The following CCSER1 variants were observed in gnomAD, a reference collection of about 807,000 sequenced individuals.
CCSER1 encodes the protein coiled-coil serine rich protein 1.
CCSER1 carries 41 observed loss-of-function variants against 82.0 expected under a neutral mutation model. The ratio of observed to expected loss-of-function variants is 0.50; its 90% CI spans 0.39 to 0.65. CCSER1 has a LOEUF of 0.65. Ranked by LOEUF, CCSER1 falls within the 30% of genes least tolerant of loss-of-function variation. The probability of loss-of-function intolerance (pLI) is 0.00; values close to 1 mark genes in which losing one functional copy is unlikely to be tolerated. For synonymous variants in CCSER1, 414 were observed against 383.9 expected, an observed-to-expected ratio of 1.08 and a Z score of -0.92; for missense variants, 1,119 against 1,064.2, an observed-to-expected ratio of 1.05 and a Z score of -0.72.
chr4:90,675,122 G>A (rs937438375), intron 6 of CCSER1, among the ~76,000 whole-genome samples: 17 of 151,916 alleles, frequency 1.1e-4, no homozygotes, highest in Non-Finnish European at 1.8e-4. Flanking sequence ...CGTCATTGAT[G>A]AATAGTGATT....
chr4:90,498,963 A>AT (rs960403630), intron 5 of CCSER1, among the ~76,000 whole-genome samples: 5 of 152,170 alleles, frequency 3.3e-5, no homozygotes, highest in Admixed American at 2.6e-4. Flanking sequence ...TCCACTTATA[A>AT]GTTTTAAAAA....
chr4:90,128,139 G>T lies in CCSER1; in HGVS notation c.-42+308G>T, dbSNP rs187619282. On this transcript the variant is annotated intron_variant, in intron 1 of 10. Transcript: ENST00000509176. Reference sequence around the variant, plus strand: ...GCGGCCGCGGCGGCCGCTCCAGGGCGATGCGGAGCGCTGGCCAAGGCGGCG... The same window carrying T: ...GCGGCCGCGGCGGCCGCTCCAGGGCTATGCGGAGCGCTGGCCAAGGCGGCG... Among the ~76,000 whole-genome samples the T allele has an allele frequency of 3.4e-3, 521 of 152,280 alleles. 3 individuals carry two copies. The highest frequency in any genetic ancestry group is 0.012 in the African/African-American group (494 of 41,588).
chr4:91,020,389 G>T (rs1220371852), intron 9 of CCSER1, among the ~76,000 whole-genome samples: 1 of 152,104 alleles, frequency 6.6e-6, no homozygotes, highest in Non-Finnish European at 1.5e-5. Flanking sequence ...TTGGCCGGGT[G>T]CGGTGGCTCA....
chr4:91,071,701 A>C (rs898121684), intron 9 of CCSER1, among the ~76,000 whole-genome samples: 3 of 152,174 alleles, frequency 2.0e-5, no homozygotes, highest in Admixed American at 1.3e-4. Flanking sequence ...CTTACTAGAT[A>C]GATTGATTCA....
chr4:90,964,731 C>CAAA lies in CCSER1; in HGVS notation c.2172+41303_2172+41305dup, dbSNP rs71596540. 9.0e-3 allele frequency among the ~76,000 whole-genome samples: 694 copies of CAAA among 76,736 alleles called. 21 individuals carry two copies. Among genetic ancestry groups the CAAA allele is most frequent in the African/African-American group, 0.03 (498 of 16,522 alleles). 50.3% of individuals were successfully genotyped at this position (76,736 alleles called of 152,430 possible). A position where few individuals can be genotyped will look rare whatever the true frequency, so the allele number is the denominator to read the frequency against. The stretch of plus-strand genomic sequence containing the variant: ...CAGAGCCAGAGCAAGACTCTGTCTC[C>CAAA]AAAAAAAAAAAAAAAAAAAAAGCAA... On this transcript the variant is annotated intron_variant, in intron 9 of 10. Transcript: ENST00000509176.
chr4:90,505,179 G>A (rs1770508130), intron 5 of CCSER1, among the ~76,000 whole-genome samples: 1 of 152,214 alleles, frequency 6.6e-6, no homozygotes, highest in Admixed American at 6.5e-5. Flanking sequence ...AAAATTGCCA[G>A]TTATTAGAAA....
At chr4:91,053,934 C>G (rs1314719182) in intron 9 of CCSER1, among the ~76,000 whole-genome samples, 2 of 152,176 alleles carry the variant, frequency 1.3e-5, no homozygotes, top group Non-Finnish European at 2.9e-5. Flanking sequence ...TTAAGCCAGT[C>G]CCCTATGGAG....
chr4:90,175,665 C>T (rs1462082317), intron 1 of CCSER1, among the ~76,000 whole-genome samples: 1 of 151,878 alleles, frequency 6.6e-6, no homozygotes, highest in Non-Finnish European at 1.5e-5. Context: ...CCTTTTATCC[C>T]AAATATTTTG....
intron 9 of CCSER1, among the ~76,000 whole-genome samples, chr4:90,937,504 A>ACACACACACACACAC (rs757870134): frequency 0.026 from 2,040 of 77,718 alleles, 45 homozygotes; most frequent in African/African-American, 0.078. Context: ...CACACACACA[A>ACACACACACACACAC]ACACACACAC....
chr4:90,394,096 CTTT>C (rs112880001), intron 3 of CCSER1, among the ~76,000 whole-genome samples: 6 of 133,722 alleles, frequency 4.5e-5, no homozygotes, highest in Admixed American at 1.5e-4. Flanking sequence ...TTACATCTTA[CTTT>C]TTTTTTTTTT....
intron 9 of CCSER1, among the ~76,000 whole-genome samples, chr4:91,082,842 A>G (rs1271902091): frequency 3.3e-5 from 5 of 152,230 alleles, no homozygotes; most frequent in Admixed American, 2.6e-4. Context: ...AGAGAAATGC[A>G]AATCAAAACC....
At chr4:91,030,455 C>T (rs554342783) in intron 9 of CCSER1, among the ~76,000 whole-genome samples, 148 of 152,152 alleles carry the variant, frequency 9.7e-4, no homozygotes, top group African/African-American at 3.3e-3. Flanking sequence ...CTACCTGTGG[C>T]TATTGGACAG....
chr4:90,177,933 T>G (rs1437324219), intron 1 of CCSER1, among the ~76,000 whole-genome samples: 1 of 152,016 alleles, frequency 6.6e-6, no homozygotes, highest in East Asian at 1.9e-4. Context: ...AATCCAAAAT[T>G]TTGAGTGCCC....
At chr4:90,396,362 C>T (rs1428687092) in intron 3 of CCSER1, among the ~76,000 whole-genome samples, 1 of 151,930 alleles carries the variant, frequency 6.6e-6, no homozygotes, top group Non-Finnish European at 1.5e-5. Flanking sequence ...TTTTCTATTC[C>T]TAGTACAGTA....
At chr4:90,955,512 A>G (rs1227332287) in intron 9 of CCSER1, among the ~76,000 whole-genome samples, 1 of 152,198 alleles carries the variant, frequency 6.6e-6, no homozygotes, top group Non-Finnish European at 1.5e-5. Flanking sequence ...ATGTTGTGCT[A>G]CAGATAGATA....
intron 10 of CCSER1, among the ~76,000 whole-genome samples, chr4:91,452,435 C>G (rs972185121): frequency 6.6e-6 from 1 of 151,972 alleles, no homozygotes; most frequent in South Asian, 2.1e-4. Context: ...ATTGGGTACA[C>G]TACTTGTCAT....
intron 6 of CCSER1, among the ~76,000 whole-genome samples, chr4:90,656,849 T>C (rs868463505): frequency 6.6e-6 from 1 of 152,012 alleles, no homozygotes; most frequent in Non-Finnish European, 1.5e-5. Flanking sequence ...AATGTATATC[T>C]TTGACCTGGA....
At chr4:90,324,033 T>A (rs1223016810) in intron 3 of CCSER1, among the ~76,000 whole-genome samples, 2 of 152,152 alleles carry the variant, frequency 1.3e-5, no homozygotes, top group Non-Finnish European at 2.9e-5. Context: ...TATTCCATGG[T>A]GTATAGGTGC....
chr4:91,344,715 T>A (rs1480616994), intron 10 of CCSER1, among the ~76,000 whole-genome samples: 4 of 151,748 alleles, frequency 2.6e-5, no homozygotes, highest in African/African-American at 9.7e-5. Flanking sequence ...GTTTCTTGAA[T>A]GATGGGAAAG....
Sources: allele counts gnomAD v4.1 joint callset (sites outside exome capture counted in the v4.1 genomes callset), GRCh38; gene constraint gnomAD v4.1.1; transcripts MANE v1.5; gene names NCBI Gene and HGNC (gene_info 2026-07-23, HGNC 2026-07-21).